The following JADE1 variants were observed in gnomAD, a reference collection of about 807,000 sequenced individuals.
The protein encoded by JADE1 is protein Jade-1.
In JADE1, 14 loss-of-function variants were observed where a neutral mutation model predicts 81.8. The ratio of observed to expected loss-of-function variants is 0.17; its 90% confidence interval spans 0.11 to 0.27. The LOEUF is 0.27. Ranked by LOEUF, JADE1 falls within the 10% of genes least tolerant of loss-of-function variation. The pLI, the probability that JADE1 is intolerant of heterozygous loss-of-function variation, is 1.00. For synonymous variants in JADE1, 353 were observed against 391.9 expected (o/e 0.90, Z 1.17); for missense variants, 690 against 1,047.9 (o/e 0.66, Z 4.71).
In JADE1 at chr4:128,862,208, C is replaced by T; in HGVS notation, c.1486C>T (p.Arg496Trp). The T allele has an allele frequency of 6.2e-7, 1 of 1,614,130 alleles. No individual in the cohort carries two copies. Among genetic ancestry groups the T allele is most frequent in the Non-Finnish European group, 8.5e-7 (1 of 1,180,014 alleles). The change falls in exon 9 of 11, where the codon CGG becomes TGG. Residue 496 changes from arginine to tryptophan, a missense_variant. By Grantham distance (101) the Arg-to-Trp change is moderately radical. Transcript: ENST00000226319. ...GAGGCTGCAGCTGTTCACGCACCTG[C>T]GGCAGGACCTGGAGAGGGTAATGAT... ...FRRLQLFTHL[R>W]QDLERVRNLT...
rs1236012340 is a variant in JADE1 at position 128,848,971 on chromosome 4, A to T, written c.297-9A>T. ...GGTAACCTGGCTGCCTTGTTTTTTT[A>T]TTATCCAGGGTTGTGTCTGAAGAGA... On this transcript the variant is annotated splice_polypyrimidine_tract_variant and intron_variant, in intron 4 of 10. Transcript: ENST00000226319. 6.2e-7 allele frequency: 1 copy of T among 1,610,030 alleles called. No homozygotes were observed. Among genetic ancestry groups the T allele is most frequent in the Admixed American group, 1.7e-5 (1 of 58,890 alleles).
chr4:128,871,350 T>C lies in JADE1; in HGVS notation c.1622-5T>C. 6.2e-7 allele frequency: 1 copy of C among 1,609,826 alleles called. No homozygotes were observed. The highest frequency in any genetic ancestry group is 1.1e-5 in the South Asian group (1 of 90,816). ...TTTTCTTTATTTGTGGTTTTATGTT[T>C]ATAGGTGTGCCTTCTTCCTGCTCCT... On this transcript the variant is annotated splice_polypyrimidine_tract_variant and splice_region_variant and intron_variant, in intron 10 of 10. Transcript: ENST00000226319. The surrounding 1 kb of genome is among the most constrained non-coding windows in gnomAD (Gnocchi z 4.1).
Position 128,872,230 on chromosome 4 carries a change from G to A in JADE1, c.2497G>A (p.Asp833Asn). ...HTSSTISRRT[D>N]IIRRSILAS is the part of the protein sequence containing the mutation. The stretch of plus-strand genomic sequence containing the variant: ...CAGCAGCACTATCAGCAGAAGGACA[G>A]ACATTATCAGGAGAAGCATCTTGGC... Residue 833 changes from aspartate (D) to asparagine (N), a missense_variant, in exon 11 of 11, where the codon GAC becomes AAC. Physicochemically the swap from Asp to Asn is conservative, Grantham distance 23 (BLOSUM62 1). Coordinates refer to ENST00000226319, the MANE Select transcript of JADE1 (RefSeq NM_199320.4). The A allele has an allele frequency of 6.2e-7, 1 of 1,614,096 alleles. No individual in the cohort carries two copies. Among genetic ancestry groups the A allele is most frequent in the Non-Finnish European group, 8.5e-7 (1 of 1,179,952 alleles).
chr4:128,850,201 G>A (rs1376405397), intron 5 of JADE1, among the ~76,000 whole-genome samples: 2 of 150,020 alleles, frequency 1.3e-5, no homozygotes, highest in African/African-American at 4.9e-5. Flanking sequence ...GGCTGAGGCA[G>A]AAGAATCACT....
chr4:128,871,437 G>C lies in JADE1; in HGVS notation c.1704G>C (p.Lys568Asn). The change falls in exon 11 of 11, where the codon AAG becomes AAC. Residue 568 changes from lysine to asparagine, a missense_variant. By Grantham distance (94) the Lys-to-Asn change is moderately conservative (BLOSUM62 0). Coordinates refer to ENST00000226319, the MANE Select transcript of JADE1 (RefSeq NM_199320.4). This position sits in a 1 kb window ranked among gnomAD's most constrained non-coding sequence, Gnocchi z 4.1. ...CTTCTGTTGGCCCTGATGCTCCCAA[G>C]ATAGAGGACTTGAAGTGGCATTCTG... is the stretch of plus-strand genomic sequence containing the variant. The part of the protein sequence containing the change: ...NSPSVGPDAP[K>N]IEDLKWHSAF... The C allele has an allele frequency of 6.2e-7, 1 of 1,614,208 alleles. No individual in the cohort carries two copies. The highest frequency in any genetic ancestry group is 8.5e-7 in the Non-Finnish European group (1 of 1,180,016).
intron 1 of JADE1, among the ~76,000 whole-genome samples, chr4:128,812,307 G>A (rs924114759): frequency 3.3e-5 from 5 of 151,718 alleles, no homozygotes; most frequent in East Asian, 2.0e-4. Flanking sequence ...GGGAGGAGGA[G>A]GAGGAGGAGG....
At chr4:128,834,530 C>CTTTTTT (rs202245727) in intron 2 of JADE1, among the ~76,000 whole-genome samples, 2 of 99,218 alleles carry the variant, frequency 2.0e-5, no homozygotes, top group Non-Finnish European at 4.2e-5. Flanking sequence ...CCAAATATTT[C>CTTTTTT]TTTTTTTTTT....
intron 8 of JADE1, among the ~76,000 whole-genome samples, chr4:128,861,439 C>T (rs58593491): frequency 0.023 from 3,440 of 152,264 alleles, 113 homozygotes; most frequent in African/African-American, 0.074. Context: ...CTGAGATGGG[C>T]GGATCTCTTT....
intron 9 of JADE1, among the ~76,000 whole-genome samples, chr4:128,865,403 TGA>T (rs1459208440): frequency 6.6e-6 from 1 of 152,150 alleles, no homozygotes; most frequent in African/African-American, 2.4e-5. Context: ...TAAGGTGGTG[TGA>T]GAGTGCACCT....
chr4:128,816,190 A>G (rs1727017135), intron 1 of JADE1, among the ~76,000 whole-genome samples: 1 of 152,148 alleles, frequency 6.6e-6, no homozygotes, highest in Non-Finnish European at 1.5e-5. Flanking sequence ...TTATATGACC[A>G]TGTATTTACA....
intron 4 of JADE1, among the ~76,000 whole-genome samples, chr4:128,848,303 C>T (rs759920630): frequency 6.6e-6 from 1 of 152,142 alleles, no homozygotes; most frequent in Non-Finnish European, 1.5e-5. Context: ...CCCAGCCTCC[C>T]GAGTAGCTGG....
rs140538033 is a variant in JADE1, at chr4:128,849,094, C to T, written c.411C>T (p.Ser137=). Residue 137 remains serine (S), a synonymous_variant, in exon 5 of 11, where the codon AGC becomes AGT. Coordinates refer to ENST00000226319, the MANE Select transcript of JADE1 (RefSeq NM_199320.4). ...GYVDIRTLAD[S]VCRYDLNDMD... Reference sequence around the variant, plus strand: ...TGGACATCCGGACGCTGGCTGACAGCGTGTGTCGCTATGACCTCAATGACA... The same window carrying T: ...TGGACATCCGGACGCTGGCTGACAGTGTGTGTCGCTATGACCTCAATGACA... 5.5e-5 allele frequency: 88 copies of T among 1,614,092 alleles called. No individual in the cohort carries two copies. In the East Asian group the frequency reaches 8.0e-4, roughly 15 times the overall value.
At chr4:128,819,923 A>G (rs1242896951) in intron 1 of JADE1, among the ~76,000 whole-genome samples, 1 of 152,140 alleles carries the variant, frequency 6.6e-6, no homozygotes, top group Non-Finnish European at 1.5e-5. Context: ...CACCTGGGGA[A>G]CTGGTCTTTG....
Position 128,846,526 on chromosome 4 carries a change from T to TG in JADE1, c.292dup (p.Ala98GlyfsTer6), listed in dbSNP as rs1160071815. The TG allele has an allele frequency of 6.2e-7, 1 of 1,614,096 alleles. No homozygotes were observed. The highest frequency in any genetic ancestry group is 1.7e-5 in the Admixed American group (1 of 60,028). ...AGCCCGGGGACCATCCCTCAGCCTG[T>TG]GGCCAGGTAGAGATGCCCTGAGGAC... is the stretch of plus-strand genomic sequence containing the variant. On this transcript the variant is annotated frameshift_variant, in exon 4 of 11. Transcript: ENST00000226319. LOFTEE classifies it high-confidence loss of function. The surrounding 1 kb of genome is among the most constrained non-coding windows in gnomAD (Gnocchi z 4.0).
chr4:128,849,030 T>C lies in JADE1; in HGVS notation c.347T>C (p.Ile116Thr). 6.2e-7 allele frequency: 1 copy of C among 1,614,028 alleles called. No homozygotes were observed. Among genetic ancestry groups the C allele is most frequent in the Non-Finnish European group, 8.5e-7 (1 of 1,179,998 alleles). Residue 116 changes from isoleucine to threonine, a missense_variant, in exon 5 of 11, where the codon ATC becomes ACC. Coordinates refer to ENST00000226319, the MANE Select transcript of JADE1 (RefSeq NM_199320.4). Reference sequence around the variant, plus strand: ...ATGTTCATCAGGCCCAAGAAGTACATCGTGTCATCAGGCTCTGAGCCTCCC... The same window carrying C: ...ATGTTCATCAGGCCCAAGAAGTACACCGTGTCATCAGGCTCTGAGCCTCCC... ...SLMFIRPKKY[I>T]VSSGSEPPEL...
chr4:128,861,708 C>G lies in JADE1; in HGVS notation c.986C>G (p.Ser329Cys), dbSNP rs1324231641. ...NEKFGASIQC[S>C]VKNCRTAFHV... ...TTCTTTGTGTGTTCTTGACAGTGCTCTGTGAAGAACTGCCGCACAGCCTTC... is the reference window on the plus strand; with the variant it reads ...TTCTTTGTGTGTTCTTGACAGTGCTGTGTGAAGAACTGCCGCACAGCCTTC... Residue 329 changes from serine to cysteine, a missense_variant, in exon 9 of 11, where the codon TCT becomes TGT. Physicochemically the swap from Ser to Cys is moderately radical, Grantham distance 112. This residue lies in a region of JADE1 where 84 missense variants were observed against 226.6 expected (regional missense o/e 0.37). Transcript: ENST00000226319. 13 of 1,613,926 alleles carry G rather than the reference C, an allele frequency of 8.1e-6. No individual in the cohort carries two copies. Among genetic ancestry groups the G allele is most frequent in the African/African-American group, 1.3e-5 (1 of 75,048 alleles).
intron 9 of JADE1, among the ~76,000 whole-genome samples, chr4:128,867,577 G>C (rs1731873417): frequency 1.3e-5 from 2 of 152,238 alleles, no homozygotes; most frequent in Non-Finnish European, 2.9e-5. Flanking sequence ...GGAGGAGGCA[G>C]GACTTTTGTA....
At chr4:128,811,347 G>A (rs973220871) in intron 1 of JADE1, 5 of 152,164 alleles carry the variant, frequency 3.3e-5, no homozygotes, top group African/African-American at 1.2e-4. Context: ...CAGTGGGGGT[G>A]CCTCAACTTC....
At chr4:128,837,365 A>AGGC (rs1411296950) in intron 2 of JADE1, among the ~76,000 whole-genome samples, 2 of 152,220 alleles carry the variant, frequency 1.3e-5, no homozygotes, top group East Asian at 3.9e-4. Flanking sequence ...AGTTGGTTGA[A>AGGC]GGCCTAAGTG....
Sources: gnomAD v4.1 joint callset for allele counts (sites outside exome capture counted in the v4.1 genomes callset) on GRCh38, gnomAD v4.1.1 for gene constraint, gnomAD v4.1.1 regional missense constraint, Gnocchi (gnomAD v3.1) non-coding constraint, MANE v1.5 for transcripts, NCBI Gene and HGNC (gene_info 2026-07-23, HGNC 2026-07-21) for gene names.